CFAP61: variants seen among roughly 807,000 people sequenced by gnomAD.
CFAP61 encodes the protein cilia and flagella associated protein 61, also known as cilia- and flagella-associated protein 61.
In CFAP61, 107 loss-of-function variants were observed where a neutral mutation model predicts 135.6. The observed-to-expected ratio is 0.79, with a 90% CI of 0.67 to 0.93. CFAP61 has a LOEUF of 0.93. Ranked by LOEUF, CFAP61 falls within the 40% of genes least tolerant of loss-of-function variation. CFAP61 has a pLI of 0.00. For synonymous variants in CFAP61, 575 were observed against 578.5 expected (o/e 0.99, Z 0.09); for missense variants, 1,507 against 1,556.2 (o/e 0.97, Z 0.53).
chr20:20,071,212 C>T (rs775026148), intron 3 of CFAP61, among the ~76,000 whole-genome samples: 20 of 152,142 alleles, frequency 1.3e-4, no homozygotes, highest in African/African-American at 2.2e-4. Context: ...GTTGGCTAGC[C>T]GCTGGCAAGG....
At chr20:20,079,553 T>C (rs550101894) in intron 6 of CFAP61, among the ~76,000 whole-genome samples, 1 of 152,234 alleles carries the variant, frequency 6.6e-6, no homozygotes, top group South Asian at 2.1e-4. Flanking sequence ...ATGCAAACAG[T>C]GTAATGTGAT....
intron 25 of CFAP61, among the ~76,000 whole-genome samples, chr20:20,333,267 CT>C: frequency 6.6e-6 from 1 of 152,324 alleles, no homozygotes. Context: ...CATCTTTTAC[CT>C]GGAGTGTCTC....
intron 23 of CFAP61, 65 bp downstream of exon 23, chr20:20,289,001 C>G: frequency 7.7e-7 from 1 of 1,304,758 alleles, no homozygotes; most frequent in Non-Finnish European, 1.1e-6. Context: ...GCAGTCAGGC[C>G]AGTCCTCCAG....
intron 20 of CFAP61, among the ~76,000 whole-genome samples, chr20:20,260,266 TG>T (rs1164926493): frequency 3.9e-5 from 6 of 152,238 alleles, no homozygotes; most frequent in Non-Finnish European, 8.8e-5. Context: ...TAAGCACACA[TG>T]GAAGAAGGAA....
intron 25 of CFAP61, among the ~76,000 whole-genome samples, chr20:20,302,378 TTGGCTGGGTGAGG>T: frequency 6.6e-6 from 1 of 152,316 alleles, no homozygotes; most frequent in Admixed American, 6.5e-5. Context: ...AATAAAAAGA[TTGGCTGGGTGAGG>T]TGGCTCACCC....
intron 8 of CFAP61, among the ~76,000 whole-genome samples, chr20:20,133,071 A>G (rs1383419998): frequency 6.6e-6 from 1 of 151,960 alleles, no homozygotes; most frequent in African/African-American, 2.4e-5. Context: ...GGTACTATTT[A>G]TTGGTGTTTT....
chr20:20,250,319 T>G (rs2050788992), intron 19 of CFAP61, among the ~76,000 whole-genome samples: 1 of 152,198 alleles, frequency 6.6e-6, no homozygotes, highest in South Asian at 2.1e-4. Context: ...GGTCACTCCT[T>G]ATAGCGGTCA....
At chr20:20,279,801 G>C (rs1268909039) in intron 22 of CFAP61, among the ~76,000 whole-genome samples, 1 of 152,108 alleles carries the variant, frequency 6.6e-6, no homozygotes, top group South Asian at 2.1e-4. Context: ...GTCTCACAAA[G>C]AATGGCCCCT....
intron 25 of CFAP61, among the ~76,000 whole-genome samples, chr20:20,315,895 G>A (rs138708475): frequency 0.54 from 81,767 of 151,812 alleles, 23,110 homozygotes; most frequent in African/African-American, 0.72. Context: ...CCATTGATCT[G>A]GATCTCTGTT....
At chr20:20,292,822 T>C (rs532156596) in intron 24 of CFAP61, among the ~76,000 whole-genome samples, 5 of 152,184 alleles carry the variant, frequency 3.3e-5, no homozygotes, top group African/African-American at 9.6e-5. Context: ...GGAAGCTGCG[T>C]TGCCTTTTAT....
intron 2 of CFAP61, among the ~76,000 whole-genome samples, chr20:20,059,053 G>A (rs902934330): frequency 5.9e-5 from 9 of 152,152 alleles, no homozygotes; most frequent in Non-Finnish European, 7.4e-5. Context: ...AAAGAAGGCC[G>A]GACACAGTGG....
chr20:20,216,836 A>G (rs1484242621), intron 17 of CFAP61, among the ~76,000 whole-genome samples: 2 of 152,042 alleles, frequency 1.3e-5, no homozygotes, highest in Admixed American at 6.6e-5. Flanking sequence ...TTTCCTAAGA[A>G]TTAGCGGTAA....
intron 25 of CFAP61, among the ~76,000 whole-genome samples, chr20:20,299,952 A>G (rs1259292475): frequency 1.3e-5 from 2 of 152,192 alleles, no homozygotes; most frequent in East Asian, 1.9e-4. Context: ...TTGATGCCCA[A>G]ATGTTTCCCA....
At chr20:20,295,991 C>T (rs1414070559) in intron 24 of CFAP61, among the ~76,000 whole-genome samples, 1 of 88,922 alleles carries the variant, frequency 1.1e-5, no homozygotes, top group Non-Finnish European at 2.5e-5. Context: ...GCATGCTTCC[C>T]TCCTTCCTTC....
At chr20:20,351,368 G>A (rs2058826880) in intron 26 of CFAP61, among the ~76,000 whole-genome samples, 1 of 151,770 alleles carries the variant, frequency 6.6e-6, no homozygotes, top group Non-Finnish European at 1.5e-5. Context: ...ATCACCTGAG[G>A]TCGGGAGTTC....
chr20:20,212,388 G>A (rs968363275), intron 17 of CFAP61, among the ~76,000 whole-genome samples: 9 of 152,066 alleles, frequency 5.9e-5, no homozygotes, highest in Non-Finnish European at 7.3e-5. Flanking sequence ...GTTTGGCCCC[G>A]GGGAAGTGCT....
Position 20,288,838 on chromosome 20 carries a change from C to T in CFAP61, c.3026C>T (p.Ala1009Val). Reference protein sequence around the residue: ...SKEIGFQLAAAMLHLFDPTLE... With the variant: ...SKEIGFQLAAVMLHLFDPTLE... ...GAAATTGGCTTTCAGCTGGCAGCAG[C>T]TATGCTACATCTCTTTGATCCAACC... Residue 1009 changes from alanine to valine, a missense_variant, in exon 23 of 27, where the codon GCT becomes GTT. Ala to Val is a moderately conservative substitution (Grantham distance 64, BLOSUM62 0). Coordinates refer to ENST00000245957, the MANE Select transcript of CFAP61 (RefSeq NM_015585.4). 6.2e-7 allele frequency: 1 copy of T among 1,614,204 alleles called. No individual in the cohort carries two copies.
intron 20 of CFAP61, among the ~76,000 whole-genome samples, chr20:20,257,031 T>C (rs1348676415): frequency 6.6e-6 from 1 of 152,102 alleles, no homozygotes; most frequent in Non-Finnish European, 1.5e-5. Flanking sequence ...AGGAAAAAAT[T>C]GAACAAACTT....
At chr20:20,212,510 G>A (rs1347816992) in intron 17 of CFAP61, among the ~76,000 whole-genome samples, 2 of 152,160 alleles carry the variant, frequency 1.3e-5, no homozygotes, top group Non-Finnish European at 2.9e-5. Flanking sequence ...AGAGCCAGGT[G>A]TGCACCAGAA....
Sources: allele counts gnomAD v4.1 joint callset (sites outside exome capture counted in the v4.1 genomes callset), GRCh38; gene constraint gnomAD v4.1.1; transcripts MANE v1.5; gene names NCBI Gene and HGNC (gene_info 2026-07-23, HGNC 2026-07-21).